ECPAS: variants seen among roughly 807,000 people sequenced by gnomAD.
ECPAS encodes the protein Ecm29 proteasome adaptor and scaffold, also known as proteasome adapter and scaffold protein ECM29.
Under a neutral mutation model 255.1 loss-of-function variants are expected in ECPAS, and 70 were observed. The observed-to-expected ratio is 0.27, with a 90% CI of 0.23 to 0.33. The LOEUF (loss-of-function observed/expected upper bound fraction) is 0.33. ECPAS is among the 10% of genes least tolerant of loss of function. The probability of loss-of-function intolerance (pLI) is 1.00; values close to 1 mark genes in which losing one functional copy is unlikely to be tolerated. For synonymous variants in ECPAS, 784 were observed against 775.0 expected (o/e 1.01, Z -0.19); for missense variants, 1,817 against 2,206.4 (o/e 0.82, Z 3.54).
chr9:111,390,534 G>A (rs77037837), intron 29 of ECPAS, among the ~76,000 whole-genome samples: 3,624 of 152,222 alleles, frequency 0.024, 148 homozygotes, highest in African/African-American at 0.082. Context: ...AATAATATTG[G>A]CTCAAATATC....
chr9:111,408,723 A>C, intron 23 of ECPAS, 51 bp from the exon 24 acceptor site: 1 of 1,087,992 alleles, frequency 9.2e-7, no homozygotes. Flanking sequence ...TAATAGCTTT[A>C]CCCCAGTGCA....
Position 111,417,916 on chromosome 9 carries a change from G to A in ECPAS, c.1650C>T (p.Ser550=). The part of the protein sequence containing the change: ...RKESTSEQMP[S]FPEMVYYIQE... Reference sequence around the variant, plus strand: ...GGATGTAATAAACCATTTCTGGGAAGGAAGGCATCTGCTCAGAAGTACTTT... The same window carrying A: ...GGATGTAATAAACCATTTCTGGGAAAGAAGGCATCTGCTCAGAAGTACTTT... Residue 550 remains serine, a synonymous_variant, in exon 17 of 50, where the codon TCC becomes TCT. Transcript: ENST00000684092. 1 of 1,583,902 alleles carries A rather than the reference G, an allele frequency of 6.3e-7. No homozygotes were observed.
chr9:111,474,846 A>G (rs967387871), intron 1 of ECPAS, among the ~76,000 whole-genome samples: 2 of 152,254 alleles, frequency 1.3e-5, no homozygotes, highest in Non-Finnish European at 2.9e-5. Context: ...TTGCAAAGGT[A>G]AGGTAATTTG....
At position 111,385,455 on chromosome 9, in the gene ECPAS, A is replaced by AT; in HGVS notation, c.3528-14dup. On this transcript the variant is annotated splice_polypyrimidine_tract_variant and intron_variant, in intron 32 of 49. Coordinates refer to ENST00000684092, the MANE Select transcript of ECPAS (RefSeq NM_001364929.1). Reference sequence around the variant, plus strand: ...CAAAGCTAAACAGCTGAAAATCAAAATTTCATTTCAATATATGATGAAAAA... The same window carrying AT: ...CAAAGCTAAACAGCTGAAAATCAAAATTTTCATTTCAATATATGATGAAAAA... The AT allele has an allele frequency of 7.2e-7, 1 of 1,390,860 alleles. No individual in the cohort carries two copies. The highest frequency in any genetic ancestry group is 9.9e-7 in the Non-Finnish European group (1 of 1,005,356). The allele number at this position is 1,390,860 out of a possible 1,614,324, so 86.2% of individuals were successfully genotyped here.
intron 2 of ECPAS, among the ~76,000 whole-genome samples, chr9:111,467,613 G>C (rs1033567892): frequency 6.6e-6 from 1 of 152,104 alleles, no homozygotes; most frequent in Non-Finnish European, 1.5e-5. Flanking sequence ...AAATTGAAGA[G>C]AAAGCTGAAA....
chr9:111,435,001 T>A (rs977206235), intron 7 of ECPAS, among the ~76,000 whole-genome samples: 1 of 147,710 alleles, frequency 6.8e-6, no homozygotes, highest in Non-Finnish European at 1.5e-5. Context: ...TGGGTTCAAG[T>A]GATTTTCATG....
chr9:111,361,953 C>A lies in ECPAS; in HGVS notation c.*77G>T. 1 of 1,510,222 alleles carries A rather than the reference C, an allele frequency of 6.6e-7. No individual in the cohort carries two copies. Among genetic ancestry groups the A allele is most frequent in the Non-Finnish European group, 8.9e-7 (1 of 1,121,056 alleles). The allele number at this position is 1,510,222 out of a possible 1,614,324, so 93.6% of individuals were successfully genotyped here. A position where few individuals can be genotyped will look rare whatever the true frequency, so the allele number is the denominator to read the frequency against. On this transcript the variant is annotated 3_prime_UTR_variant, in exon 50 of 50. Coordinates refer to ENST00000684092, the MANE Select transcript of ECPAS (RefSeq NM_001364929.1). Reference sequence around the variant, plus strand: ...GCTACAGATTAATCTTTACTTTTTCCCACTTGGTTTTTCAAAGAACACCAC... The same window carrying A: ...GCTACAGATTAATCTTTACTTTTTCACACTTGGTTTTTCAAAGAACACCAC...
intron 33 of ECPAS, among the ~76,000 whole-genome samples, chr9:111,384,808 A>T (rs975731100): frequency 1.3e-5 from 2 of 152,266 alleles, no homozygotes; most frequent in Non-Finnish European, 2.9e-5. Flanking sequence ...TAAAAAATTT[A>T]GCTATTAACA....
chr9:111,416,374 C>T, intron 17 of ECPAS, 22 bp from the exon 18 acceptor site: 1 of 1,585,588 alleles, frequency 6.3e-7, no homozygotes. Flanking sequence ...AAGTCCAAAA[C>T]AGACACAATT....
rs74454520 is a variant in ECPAS at position 111,364,184 on chromosome 9, C to T, written c.5309-525G>A. 2.9e-3 allele frequency among the ~76,000 whole-genome samples: 434 copies of T among 152,254 alleles called. 4 individuals are homozygous for T. The highest frequency in any genetic ancestry group is 9.6e-3 in the African/African-American group (398 of 41,546). On this transcript the variant is annotated intron_variant, in intron 48 of 49. Coordinates refer to ENST00000684092, the MANE Select transcript of ECPAS (RefSeq NM_001364929.1). ...CTTCCTTGGCATCCACTCTTTGACA[C>T]GGCGTCTGGTTCATGGTGAAATTGT...
chr9:111,445,247 G>A (rs1286757280), intron 3 of ECPAS, among the ~76,000 whole-genome samples: 4 of 149,388 alleles, frequency 2.7e-5, no homozygotes, highest in East Asian at 3.9e-4. Context: ...CGCCCACCTC[G>A]GCCTCCCAAA....
chr9:111,462,507 A>G (rs2098274358), intron 2 of ECPAS, among the ~76,000 whole-genome samples: 1 of 152,152 alleles, frequency 6.6e-6, no homozygotes. Flanking sequence ...TATGTAAAAT[A>G]AGAAAGTTAA....
chr9:111,391,372 G>A (rs1476491244), intron 29 of ECPAS, among the ~76,000 whole-genome samples: 4 of 151,972 alleles, frequency 2.6e-5, no homozygotes, highest in African/African-American at 9.7e-5. Flanking sequence ...GAGGTCAGGA[G>A]TTTGACACCA....
chr9:111,448,655 C>G (rs972659568), intron 3 of ECPAS, among the ~76,000 whole-genome samples: 4 of 152,190 alleles, frequency 2.6e-5, no homozygotes, highest in Admixed American at 2.0e-4. Context: ...GCTCCATATT[C>G]CACAAACAGG....
At chr9:111,472,531 G>A (rs984471474) in intron 2 of ECPAS, among the ~76,000 whole-genome samples, 2 of 151,486 alleles carry the variant, frequency 1.3e-5, no homozygotes, top group African/African-American at 4.9e-5. Flanking sequence ...CCAGCTACTC[G>A]GTGGGGCTGA....
At chr9:111,441,278 CAGATCATCTG>C (rs1035253244) in intron 5 of ECPAS, among the ~76,000 whole-genome samples, 47 of 152,100 alleles carry the variant, frequency 3.1e-4, no homozygotes, top group African/African-American at 1.0e-3. Flanking sequence ...CCAAGGTGGG[CAGATCATCTG>C]AGGTCAGGAG....
intron 49 of ECPAS, among the ~76,000 whole-genome samples, chr9:111,363,256 G>A (rs185890565): frequency 6.6e-5 from 10 of 152,178 alleles, no homozygotes; most frequent in African/African-American, 9.6e-5. Context: ...TCAGTGTGTC[G>A]TTCTGCTTAT....
chr9:111,410,945 T>C (rs370115128), intron 22 of ECPAS, 35 bp downstream of exon 22: 4 of 1,558,438 alleles, frequency 2.6e-6, no homozygotes, highest in Middle Eastern at 1.7e-4. Context: ...ATTCAAAAAC[T>C]GCAACACCCA....
At chr9:111,454,484 T>C (rs888262134) in intron 2 of ECPAS, among the ~76,000 whole-genome samples, 1 of 151,874 alleles carries the variant, frequency 6.6e-6, no homozygotes, top group Non-Finnish European at 1.5e-5. Flanking sequence ...AACATGGGAA[T>C]GGGAAGAAAG....
Sources: allele counts gnomAD v4.1 joint callset (sites outside exome capture counted in the v4.1 genomes callset), GRCh38; gene constraint gnomAD v4.1.1; transcripts MANE v1.5; gene names NCBI Gene and HGNC (gene_info 2026-07-23, HGNC 2026-07-21).